The following UBASH3B variants were observed in gnomAD, a reference collection of about 807,000 sequenced individuals.
The protein encoded by UBASH3B is ubiquitin associated and SH3 domain containing B, also known as ubiquitin-associated and SH3 domain-containing protein B.
Under a neutral mutation model 83.4 loss-of-function variants are expected in UBASH3B, and 37 were observed. The observed-to-expected ratio is 0.44, with a 90% confidence interval of 0.34 to 0.58. UBASH3B has a LOEUF of 0.58. UBASH3B is among the 20% of genes least tolerant of loss of function. UBASH3B has a pLI of 0.01. For synonymous variants in UBASH3B, 304 were observed against 318.3 expected, an observed-to-expected ratio of 0.96 and a Z score of 0.48; for missense variants, 657 against 827.2, an observed-to-expected ratio of 0.79 and a Z score of 2.52.
At chr11:122,719,965 A>G (rs1359365597) in intron 1 of UBASH3B, among the ~76,000 whole-genome samples, 2 of 151,790 alleles carry the variant, frequency 1.3e-5, no homozygotes, top group East Asian at 1.9e-4. Context: ...TTCTGCTCCA[A>G]CTCCTTGGCT....
At chr11:122,718,871 C>T (rs1265183415) in intron 1 of UBASH3B, among the ~76,000 whole-genome samples, 2 of 151,940 alleles carry the variant, frequency 1.3e-5, no homozygotes, top group Admixed American at 6.6e-5. Flanking sequence ...CACCGTCTCA[C>T]CTAAAAATAC....
intron 9 of UBASH3B, among the ~76,000 whole-genome samples, chr11:122,798,462 C>T (rs1861189834): frequency 6.6e-6 from 1 of 152,016 alleles, no homozygotes; most frequent in Non-Finnish European, 1.5e-5. Flanking sequence ...CCTGTAATCC[C>T]AGCACTTTGG....
chr11:122,773,240 C>T (rs1479151064), intron 1 of UBASH3B, among the ~76,000 whole-genome samples: 2 of 152,218 alleles, frequency 1.3e-5, no homozygotes, highest in African/African-American at 4.8e-5. Context: ...TGGCAACAGT[C>T]ATTCCTCAGC....
rs3737526 is a variant in UBASH3B at position 122,806,614 on chromosome 11, C to T, written c.1702+98C>T. The stretch of plus-strand genomic sequence containing the variant: ...AGATGTTTCAACTTGCTTTGGCTAA[C>T]CAAAGAAATGTATTTCCAGATTTTC... On this transcript the variant is annotated intron_variant, in intron 12 of 13. Transcript: ENST00000284273. This position sits in a 1 kb window ranked among gnomAD's most constrained non-coding sequence, Gnocchi z 4.0. 8,206 of 1,361,268 alleles carry T rather than the reference C, an allele frequency of 6.0e-3. 462 individuals carry two copies. In the East Asian group the frequency reaches 0.12, roughly 19 times the overall value. The allele number at this position is 1,361,268 out of a possible 1,614,324, so 84.3% of individuals were successfully genotyped here.
At position 122,814,363 on chromosome 11, in the gene UBASH3B, T is replaced by G. The variant is rs1476293369; in HGVS notation, c.*4477T>G. On this transcript the variant is annotated 3_prime_UTR_variant, in exon 14 of 14. Transcript: ENST00000284273. ...CACTTGTGCTTTCCTGGCTGAGAGC[T>G]CTCCCCTGTTGATACAGCTATGGCA... 4 of 152,642 alleles carry G rather than the reference T, an allele frequency of 2.6e-5. No homozygotes were observed. In the East Asian group the frequency reaches 7.7e-4, roughly 29 times the overall value. 9.5% of individuals were successfully genotyped at this position (152,642 alleles called of 1,614,324 possible).
intron 11 of UBASH3B, among the ~76,000 whole-genome samples, chr11:122,803,825 C>T (rs911032040): frequency 2.6e-5 from 4 of 152,042 alleles, no homozygotes; most frequent in Admixed American, 2.0e-4. Flanking sequence ...ACCTGACTTC[C>T]AGAGCACCGT....
intron 6 of UBASH3B, among the ~76,000 whole-genome samples, chr11:122,792,228 A>G (rs1032654506): frequency 6.6e-6 from 1 of 152,128 alleles, no homozygotes; most frequent in Non-Finnish European, 1.5e-5. Context: ...AGATATGTAC[A>G]AGAACGATTC....
chr11:122,712,004 A>G (rs781056262), intron 1 of UBASH3B, among the ~76,000 whole-genome samples: 9 of 151,398 alleles, frequency 5.9e-5, no homozygotes, highest in African/African-American at 1.9e-4. Context: ...CTTGGTTTGA[A>G]GCCAAGTTGG....
At chr11:122,801,883 A>T (rs747563536) in intron 11 of UBASH3B, among the ~76,000 whole-genome samples, 11 of 152,210 alleles carry the variant, frequency 7.2e-5, no homozygotes, top group Non-Finnish European at 1.2e-4. Context: ...CATTTTCCAC[A>T]TGTCCAGCAC....
intron 1 of UBASH3B, among the ~76,000 whole-genome samples, chr11:122,688,402 T>G (rs1279330153): frequency 6.6e-6 from 1 of 150,996 alleles, no homozygotes; most frequent in East Asian, 2.0e-4. Context: ...TAGCTGGGAC[T>G]ACAGGCACAT....
At chr11:122,682,953 T>A (rs1473020015) in intron 1 of UBASH3B, among the ~76,000 whole-genome samples, 1 of 152,196 alleles carries the variant, frequency 6.6e-6, no homozygotes, top group Non-Finnish European at 1.5e-5. Flanking sequence ...TAATTTTGAA[T>A]TAAATTTTAG....
At chr11:122,739,179 T>C (rs906735621) in intron 1 of UBASH3B, among the ~76,000 whole-genome samples, 4 of 152,146 alleles carry the variant, frequency 2.6e-5, no homozygotes, top group Non-Finnish European at 5.9e-5. Context: ...AAATTTTTTG[T>C]AGAGACAGGG....
At chr11:122,739,985 A>C (rs1860998456) in intron 1 of UBASH3B, among the ~76,000 whole-genome samples, 1 of 152,212 alleles carries the variant, frequency 6.6e-6, no homozygotes, top group Non-Finnish European at 1.5e-5. Flanking sequence ...GTTTCTAGAA[A>C]AGCTGTAATA....
At chr11:122,698,110 C>T (rs1469350599) in intron 1 of UBASH3B, among the ~76,000 whole-genome samples, 1 of 152,190 alleles carries the variant, frequency 6.6e-6, no homozygotes, top group Admixed American at 6.5e-5. Context: ...GGAATGACTG[C>T]TCTGGCAAAT....
At chr11:122,791,907 C>G (rs1312518059) in intron 6 of UBASH3B, among the ~76,000 whole-genome samples, 1 of 152,232 alleles carries the variant, frequency 6.6e-6, no homozygotes, top group East Asian at 1.9e-4. Context: ...GTTGATGAAG[C>G]TGGGTGAGCT....
At chr11:122,784,950 G>T (rs2135154186) in intron 5 of UBASH3B, among the ~76,000 whole-genome samples, 1 of 152,234 alleles carries the variant, frequency 6.6e-6, no homozygotes, top group East Asian at 1.9e-4. Context: ...AGATAACAAG[G>T]GAGGTGTGAC....
chr11:122,718,390 CTAGTGTTATATTATT>C, intron 1 of UBASH3B, among the ~76,000 whole-genome samples: 1 of 152,124 alleles, frequency 6.6e-6, no homozygotes. Context: ...GCATTGGGTA[CTAGTGTTATATTATT>C]GGGCAGACTT....
intron 9 of UBASH3B, 42 bp downstream of exon 9, chr11:122,797,075 T>G (rs1175699179): frequency 4.5e-6 from 7 of 1,544,056 alleles, no homozygotes; most frequent in Non-Finnish European, 6.1e-6. Flanking sequence ...ATTTCTTGCC[T>G]CCTCCTTCAA....
At chr11:122,776,954 G>A in intron 2 of UBASH3B, 70 bp from the exon 3 acceptor site, 1 of 1,437,424 alleles carries the variant, frequency 7.0e-7, no homozygotes, top group African/African-American at 1.4e-5. Context: ...GGGTGGATCT[G>A]TCTCTCAGTT....
Sources: allele counts gnomAD v4.1 joint callset (sites outside exome capture counted in the v4.1 genomes callset), GRCh38; gene constraint gnomAD v4.1.1; non-coding constraint Gnocchi (gnomAD v3.1); transcripts MANE v1.5; gene names NCBI Gene and HGNC (gene_info 2026-07-23, HGNC 2026-07-21).